The following SLCO1B1 variants were observed in gnomAD, a reference collection of about 807,000 sequenced individuals.
SLCO1B1 encodes solute carrier organic anion transporter family member 1B1.
A neutral mutation model predicts 70.1 loss-of-function variants in SLCO1B1; 81 were observed. That is an observed-to-expected ratio of 1.16 (90% CI 0.97 to 1.39). SLCO1B1 has a LOEUF of 1.39. Ranked by LOEUF, SLCO1B1 falls within the 40% of genes most tolerant of loss-of-function variation. SLCO1B1 has a pLI of 0.00. For synonymous variants in SLCO1B1, 283 were observed against 271.5 expected (o/e 1.04, Z -0.42); for missense variants, 895 against 799.6 (o/e 1.12, Z -1.44).
At chr12:21,170,134 G>A (rs568851125) in intron 2 of SLCO1B1, among the ~76,000 whole-genome samples, 4 of 152,122 alleles carry the variant, frequency 2.6e-5, no homozygotes, top group Non-Finnish European at 4.4e-5. Flanking sequence ...TGCAAAGACC[G>A]CATTTTTATT....
intron 11 of SLCO1B1, among the ~76,000 whole-genome samples, chr12:21,210,998 A>G (rs932146394): frequency 6.6e-6 from 1 of 152,126 alleles, no homozygotes; most frequent in Non-Finnish European, 1.5e-5. Flanking sequence ...CAATCATGTC[A>G]TCTGCAAACA....
intron 14 of SLCO1B1, among the ~76,000 whole-genome samples, chr12:21,235,431 G>T: frequency 6.8e-6 from 1 of 146,310 alleles, no homozygotes. Context: ...TAAGTCTATG[G>T]GTGTCCTTAC....
At chr12:21,226,814 C>T (rs534133155) in intron 14 of SLCO1B1, among the ~76,000 whole-genome samples, 3 of 151,894 alleles carry the variant, frequency 2.0e-5, no homozygotes, top group Admixed American at 1.3e-4. Flanking sequence ...ATGTGTGGGG[C>T]GGGGAGTATA....
At chr12:21,222,211 G>T in intron 12 of SLCO1B1, 89 bp from the exon 13 acceptor site, 1 of 519,380 alleles carries the variant, frequency 1.9e-6, no homozygotes, top group South Asian at 2.9e-5. Flanking sequence ...TTCTATCATG[G>T]AGAAAAACAA....
intron 14 of SLCO1B1, among the ~76,000 whole-genome samples, chr12:21,235,546 A>G (rs1941589035): frequency 6.6e-6 from 1 of 151,100 alleles, no homozygotes; most frequent in Admixed American, 6.6e-5. Flanking sequence ...ATTTACATTC[A>G]AAGTTAATAT....
At chr12:21,222,194 A>G in intron 12 of SLCO1B1, 106 bp from the exon 13 acceptor site, 3 of 408,950 alleles carry the variant, frequency 7.3e-6, no homozygotes, top group Non-Finnish European at 1.4e-5. Flanking sequence ...TTCAACTGTG[A>G]GCTTAATTCT....
chr12:21,233,547 G>A (rs367885201), intron 14 of SLCO1B1, among the ~76,000 whole-genome samples: 2 of 130,246 alleles, frequency 1.5e-5, no homozygotes, highest in African/African-American at 5.6e-5. Context: ...GCTGAACTGA[G>A]ACCTCAAAAA....
intron 2 of SLCO1B1, among the ~76,000 whole-genome samples, chr12:21,147,513 A>G (rs972601608): frequency 1.3e-5 from 2 of 152,102 alleles, no homozygotes; most frequent in Non-Finnish European, 2.9e-5. Context: ...ACTCCCACTT[A>G]TGAGTGGGAA....
chr12:21,132,968 C>G (rs1324587932), intron 1 of SLCO1B1, among the ~76,000 whole-genome samples: 1 of 151,828 alleles, frequency 6.6e-6, no homozygotes, highest in Non-Finnish European at 1.5e-5. Flanking sequence ...GGTTTTAGGT[C>G]TAACATTTAA....
chr12:21,238,910 G>C, intron 14 of SLCO1B1, 69 bp from the exon 15 acceptor site: 1 of 910,478 alleles, frequency 1.1e-6, no homozygotes. Context: ...CTGGATACTG[G>C]AGAAAATGTT....
chr12:21,189,307 GT>G (rs1941000333), intron 7 of SLCO1B1, among the ~76,000 whole-genome samples: 1 of 152,132 alleles, frequency 6.6e-6, no homozygotes, highest in South Asian at 2.1e-4. Flanking sequence ...CAGGTGTAAG[GT>G]GTAGGAAAAG....
At chr12:21,170,660 TACA>T (rs1057007086) in intron 2 of SLCO1B1, among the ~76,000 whole-genome samples, 46 of 152,246 alleles carry the variant, frequency 3.0e-4, no homozygotes, top group Non-Finnish European at 4.0e-4. Context: ...ATCAACTTAA[TACA>T]ACTAGTTTTG....
At chr12:21,144,679 C>T (rs1416839784) in intron 2 of SLCO1B1, among the ~76,000 whole-genome samples, 2 of 152,116 alleles carry the variant, frequency 1.3e-5, no homozygotes, top group Non-Finnish European at 2.9e-5. Context: ...GGGCAGGTCA[C>T]TTACAAAAGG....
chr12:21,137,463 G>A (rs779796109), intron 1 of SLCO1B1, among the ~76,000 whole-genome samples: 4 of 152,202 alleles, frequency 2.6e-5, no homozygotes, highest in African/African-American at 2.4e-5. Context: ...GTGTCCTTGA[G>A]CTGTGGTGGG....
intron 4 of SLCO1B1, among the ~76,000 whole-genome samples, chr12:21,175,768 C>A (rs892615841): frequency 6.6e-6 from 1 of 151,956 alleles, no homozygotes; most frequent in Admixed American, 6.6e-5. Context: ...TGGCACCATA[C>A]CGTCAGAGTC....
At chr12:21,156,824 A>T (rs1331617777) in intron 2 of SLCO1B1, among the ~76,000 whole-genome samples, 1 of 152,222 alleles carries the variant, frequency 6.6e-6, no homozygotes, top group African/African-American at 2.4e-5. Context: ...TACAGAGGTA[A>T]GAACAAGCAA....
rs540478962 is a variant in SLCO1B1, at chr12:21,170,573, T to C, written c.85-2077T>C. ...CATACATTTTTACAAGATGTTAGAA[T>C]TGACTATCTTTGAAGAAAATCTTCA... On this transcript the variant is annotated intron_variant, in intron 2 of 14. Transcript: ENST00000256958. 1.1e-3 allele frequency among the ~76,000 whole-genome samples: 174 copies of C among 152,330 alleles called. 1 individual carries two copies. Among genetic ancestry groups the C allele is most frequent in the African/African-American group, 4.1e-3 (172 of 41,576 alleles).
At chr12:21,164,343 A>G (rs1940659327) in intron 2 of SLCO1B1, among the ~76,000 whole-genome samples, 1 of 152,130 alleles carries the variant, frequency 6.6e-6, no homozygotes, top group Non-Finnish European at 1.5e-5. Context: ...AAACTATAAA[A>G]CAAACATACA....
At chr12:21,186,161 T>G (rs1252482641) in intron 7 of SLCO1B1, among the ~76,000 whole-genome samples, 1 of 152,090 alleles carries the variant, frequency 6.6e-6, no homozygotes, top group East Asian at 1.9e-4. Flanking sequence ...AAAGTTAAAC[T>G]TCAAATTTAA....
Sources: gnomAD v4.1 joint callset for allele counts (sites outside exome capture counted in the v4.1 genomes callset) on GRCh38, gnomAD v4.1.1 for gene constraint, MANE v1.5 for transcripts, NCBI Gene and HGNC (gene_info 2026-07-23, HGNC 2026-07-21) for gene names.